ADGRV1: variants seen among roughly 807,000 people sequenced by gnomAD.
ADGRV1 encodes adhesion G protein-coupled receptor V1.
In ADGRV1, 359 loss-of-function variants were observed where a neutral mutation model predicts 596.2. The observed-to-expected ratio is 0.60, with a 90% CI of 0.55 to 0.66. The LOEUF (loss-of-function observed/expected upper bound fraction) is 0.66. Ranked by LOEUF, ADGRV1 falls within the 30% of genes least tolerant of loss-of-function variation. ADGRV1 has a pLI of 0.00. For synonymous variants in ADGRV1, 2,681 were observed against 2,679.2 expected (o/e 1.00, Z -0.02); for missense variants, 7,274 against 7,575.6 (o/e 0.96, Z 1.48).
At chr5:91,051,063 G>A (rs1219458726) in intron 85 of ADGRV1, among the ~76,000 whole-genome samples, 1 of 152,156 alleles carries the variant, frequency 6.6e-6, no homozygotes, top group Non-Finnish European at 1.5e-5. Flanking sequence ...TGGATTTCTT[G>A]TGAAGATTAA....
chr5:90,841,059 C>A, intron 78 of ADGRV1, 74 bp downstream of exon 78: 2 of 1,005,950 alleles, frequency 2.0e-6, no homozygotes, highest in Non-Finnish European at 1.4e-6. Flanking sequence ...AAACCAAAAT[C>A]ACATTCTCTT....
At chr5:90,569,379 ATATATATATTTTTTTTTTTT>A (rs1293583187) in intron 1 of ADGRV1, among the ~76,000 whole-genome samples, 2 of 22,292 alleles carry the variant, frequency 9.0e-5, no homozygotes, top group Non-Finnish European at 1.4e-4. Context: ...ATATATATAT[ATATATATATTTTTTTTTTTT>A]TTTTTTTTTT....
chr5:91,042,472 G>A (rs1452290199), intron 85 of ADGRV1, among the ~76,000 whole-genome samples: 1 of 152,110 alleles, frequency 6.6e-6, no homozygotes, highest in Non-Finnish European at 1.5e-5. Context: ...CAAGGTTTTA[G>A]CCAATCACAT....
chr5:90,669,256 T>C (rs1772075822), intron 21 of ADGRV1, among the ~76,000 whole-genome samples: 2 of 152,118 alleles, frequency 1.3e-5, no homozygotes, highest in South Asian at 2.1e-4. Flanking sequence ...TTAAATCTGA[T>C]GTTGTATTGA....
chr5:90,947,785 C>T lies in ADGRV1; in HGVS notation c.17857-17630C>T, dbSNP rs1028702233. On this transcript the variant is annotated intron_variant, in intron 83 of 89. Coordinates refer to ENST00000405460, the MANE Select transcript of ADGRV1 (RefSeq NM_032119.4). ...CAGAGAATAATTTTTCAGAGTGAAA[C>T]GAGAATCCACATGTCCTATCTCCCT... is the stretch of plus-strand genomic sequence containing the variant. Among the ~76,000 whole-genome samples, 4 of 152,166 alleles carry T rather than the reference C, an allele frequency of 2.6e-5. No individual in the cohort carries two copies. The East Asian group carries it at 5.8e-4, about 22-fold the overall frequency.
intron 85 of ADGRV1, among the ~76,000 whole-genome samples, chr5:91,028,283 C>A (rs1001412317): frequency 1.3e-5 from 2 of 151,916 alleles, no homozygotes; most frequent in African/African-American, 4.8e-5. Flanking sequence ...CCCCATAAAC[C>A]CAGAGAGAGG....
intron 52 of ADGRV1, among the ~76,000 whole-genome samples, chr5:90,747,405 T>C (rs1754745429): frequency 6.6e-6 from 1 of 152,040 alleles, no homozygotes; most frequent in Admixed American, 6.6e-5. Context: ...TAGCATTTAG[T>C]CATATCCATG....
At chr5:90,917,603 G>A (rs1773497203) in intron 83 of ADGRV1, among the ~76,000 whole-genome samples, 1 of 152,114 alleles carries the variant, frequency 6.6e-6, no homozygotes, top group African/African-American at 2.4e-5. Context: ...AAACTCCTGA[G>A]GAAGTCAGTT....
chr5:90,692,825 G>A (rs769331232), intron 32 of ADGRV1, 39 bp downstream of exon 32: 11 of 1,475,088 alleles, frequency 7.5e-6, no homozygotes, highest in Non-Finnish European at 1.0e-5. Context: ...GGAGTGATGA[G>A]AATTGTGGGG....
At chr5:90,613,044 G>A (rs1762904381) in intron 1 of ADGRV1, among the ~76,000 whole-genome samples, 1 of 152,042 alleles carries the variant, frequency 6.6e-6, no homozygotes, top group Admixed American at 6.6e-5. Flanking sequence ...CCTAATGCAG[G>A]ACAGATTTTG....
At chr5:90,776,610 G>A in intron 61 of ADGRV1, 34 bp downstream of exon 61, 2 of 1,607,818 alleles carry the variant, frequency 1.2e-6, no homozygotes, top group Middle Eastern at 3.3e-4. Flanking sequence ...TGCCTATATG[G>A]GGGTTACGAA....
chr5:91,035,861 T>TAAAATATATATATATATATAATA lies in ADGRV1; in HGVS notation c.18153-36586_18153-36585insAAAATATATATATATATATAATA. 4.3e-3 allele frequency among the ~76,000 whole-genome samples: 414 copies of TAAAATATATATATATATATAATA among 96,388 alleles called. 9 individuals are homozygous for TAAAATATATATATATATATAATA. The highest frequency in any genetic ancestry group is 0.015 in the African/African-American group (387 of 26,356). 63.2% of individuals were successfully genotyped at this position (96,388 alleles called of 152,430 possible). ...ATGAGTGTGTATATATATATATATA[T>TAAAATATATATATATATATAATA]TATATATATATATATATATATCTTA... On this transcript the variant is annotated intron_variant, in intron 85 of 89. Coordinates refer to ENST00000405460, the MANE Select transcript of ADGRV1 (RefSeq NM_032119.4).
intron 85 of ADGRV1, among the ~76,000 whole-genome samples, chr5:91,013,233 A>C (rs1782870507): frequency 6.6e-6 from 1 of 151,830 alleles, no homozygotes; most frequent in East Asian, 1.9e-4. Context: ...ATTCCTATGG[A>C]TATCATACCC....
intron 83 of ADGRV1, among the ~76,000 whole-genome samples, chr5:90,961,515 T>C (rs6896106): frequency 1.8e-5 from 2 of 112,102 alleles, no homozygotes; most frequent in Middle Eastern, 5.1e-3. Context: ...AAAGGGGGGG[T>C]GGCGGTCATT....
At chr5:90,885,450 T>C (rs957630466) in intron 83 of ADGRV1, among the ~76,000 whole-genome samples, 8 of 152,170 alleles carry the variant, frequency 5.3e-5, no homozygotes, top group African/African-American at 1.9e-4. Flanking sequence ...TATGGAAATA[T>C]TCCAACTTTA....
chr5:91,111,378 A>G (rs372011915), intron 87 of ADGRV1, among the ~76,000 whole-genome samples: 1 of 152,208 alleles, frequency 6.6e-6, no homozygotes. Flanking sequence ...TTTTTGAGGT[A>G]TCGTAAGAAA....
intron 70 of ADGRV1, among the ~76,000 whole-genome samples, chr5:90,795,086 GT>G (rs35362542): frequency 0.023 from 2,722 of 120,440 alleles, 36 homozygotes; most frequent in African/African-American, 0.027. Context: ...AGCTGCAGAA[GT>G]TTTTTTTTTT....
chr5:90,728,713 C>G lies in ADGRV1; in HGVS notation c.10206C>G (p.Leu3402=), dbSNP rs1263127100. The stretch of plus-strand genomic sequence containing the variant: ...GAAGCTTCGTGTTGCATCAAAAACT[C>G]CCTGTCCGAGGTGTGCTGACCGTGG... ...NGGSFVLHQK[L]PVRGVLTVAL... The change falls in exon 49 of 90, where the codon CTC becomes CTG. Residue 3402 remains leucine (L), a synonymous_variant. Coordinates refer to ENST00000405460, the MANE Select transcript of ADGRV1 (RefSeq NM_032119.4). 6.2e-7 allele frequency: 1 copy of G among 1,613,112 alleles called. No homozygotes were observed. Among genetic ancestry groups the G allele is most frequent in the East Asian group, 2.2e-5 (1 of 44,886 alleles).
intron 58 of ADGRV1, among the ~76,000 whole-genome samples, chr5:90,761,850 C>T (rs1421329404): frequency 2.6e-5 from 4 of 152,278 alleles, no homozygotes; most frequent in African/African-American, 9.6e-5. Flanking sequence ...TGATGCTCAG[C>T]CCTTTGTGAC....
Sources: gnomAD v4.1 joint callset for allele counts (sites outside exome capture counted in the v4.1 genomes callset) on GRCh38, gnomAD v4.1.1 for gene constraint, MANE v1.5 for transcripts, NCBI Gene and HGNC (gene_info 2026-07-23, HGNC 2026-07-21) for gene names.